Variants in MAPKAPK5 observed in about 807,000 individuals in gnomAD.
The protein encoded by MAPKAPK5 is MAPK activated protein kinase 5.
In MAPKAPK5, 30 loss-of-function variants were observed where a neutral mutation model predicts 65.1. The observed-to-expected ratio is 0.46, with a 90% CI of 0.34 to 0.63. The LOEUF is 0.63. Among genes scored for constraint, MAPKAPK5 ranks in the 20% least tolerant of loss-of-function variants. The probability of loss-of-function intolerance (pLI) is 0.01; values close to 1 mark genes in which losing one functional copy is unlikely to be tolerated. For synonymous variants in MAPKAPK5, 179 were observed against 204.6 expected (o/e 0.87, Z 1.07); for missense variants, 433 against 581.4 (o/e 0.74, Z 2.63).
rs2070771115 is a variant in MAPKAPK5, at chr12:111,895,440, GAT to G, written c.*2382_*2383del. 1 of 151,704 alleles carries G rather than the reference GAT, an allele frequency of 6.6e-6. No individual in the cohort carries two copies. The allele number at this position is 151,704 out of a possible 1,614,324, so 9.4% of individuals were successfully genotyped here. ...TTTATCTTGGAGAATTTAATTGAAA[GAT>G]ATTTTTTGAGATAAAGTTCACTAAT... On this transcript the variant is annotated 3_prime_UTR_variant, in exon 14 of 14. Coordinates refer to ENST00000550735, the MANE Select transcript of MAPKAPK5 (RefSeq NM_003668.4).
Position 111,883,582 on chromosome 12 carries a change from G to A in MAPKAPK5, c.662G>A (p.Ser221Asn). ...GACCATTTTCTTTTTTGCTTTCAGA[G>A]CTGTGACTTGTGGTCCCTAGGGGTG... Reference protein sequence around the residue: ...TSPTPYTYNKSCDLWSLGVII... With the variant: ...TSPTPYTYNKNCDLWSLGVII... Residue 221 changes from serine (S) to asparagine (N), a missense_variant and splice_region_variant, in exon 9 of 14, where the codon AGC (serine) becomes AAC (asparagine). Around this residue, in one of 3 missense-constraint regions of MAPKAPK5, gnomAD observed 99 missense variants for 185.8 expected, o/e 0.53. Coordinates refer to ENST00000550735, the MANE Select transcript of MAPKAPK5 (RefSeq NM_003668.4). The surrounding 1 kb of genome is among the most constrained non-coding windows in gnomAD (Gnocchi z 4.8). The A allele has an allele frequency of 6.2e-7, 1 of 1,610,278 alleles. No homozygotes were observed. The highest frequency in any genetic ancestry group is 8.5e-7 in the Non-Finnish European group (1 of 1,178,706).
intron 1 of MAPKAPK5, among the ~76,000 whole-genome samples, chr12:111,856,231 T>C (rs933665856): frequency 5.2e-4 from 79 of 152,158 alleles, no homozygotes; most frequent in African/African-American, 1.8e-3. Flanking sequence ...TCCATGGTGG[T>C]TGGAGAACTT....
intron 1 of MAPKAPK5, among the ~76,000 whole-genome samples, chr12:111,856,867 C>T (rs1005281089): frequency 6.6e-6 from 1 of 152,140 alleles, no homozygotes; most frequent in Non-Finnish European, 1.5e-5. Context: ...TTTATGTTAA[C>T]CTACAGTATA....
intron 1 of MAPKAPK5, chr12:111,843,536 C>T (rs943766289): frequency 5.0e-5 from 17 of 337,596 alleles, no homozygotes; most frequent in Non-Finnish European, 7.4e-5. Context: ...AACATTGACG[C>T]TTAAAGTTTG....
intron 1 of MAPKAPK5, among the ~76,000 whole-genome samples, chr12:111,845,034 A>G (rs57786827): frequency 0.085 from 13,014 of 152,236 alleles, 657 homozygotes; most frequent in Middle Eastern, 0.17. Context: ...AACAGAAGAG[A>G]GACATAGTTC....
At chr12:111,845,720 G>C (rs1373708259) in intron 1 of MAPKAPK5, among the ~76,000 whole-genome samples, 1 of 152,006 alleles carries the variant, frequency 6.6e-6, no homozygotes. Flanking sequence ...TCAGGAGTTG[G>C]AGACCACTCT....
chr12:111,877,216 G>C (rs182674138), intron 7 of MAPKAPK5, among the ~76,000 whole-genome samples: 1 of 102,644 alleles, frequency 9.7e-6, no homozygotes, highest in East Asian at 3.2e-4. Context: ...ACAGGGTTTC[G>C]CCATGTTGTT....
chr12:111,846,962 C>T (rs2068924236), intron 1 of MAPKAPK5, among the ~76,000 whole-genome samples: 1 of 152,072 alleles, frequency 6.6e-6, no homozygotes, highest in South Asian at 2.1e-4. Flanking sequence ...GTATAGGGCT[C>T]ACTACTATCC....
chr12:111,860,702 C>T (rs2069409547), intron 1 of MAPKAPK5, among the ~76,000 whole-genome samples: 1 of 152,160 alleles, frequency 6.6e-6, no homozygotes, highest in African/African-American at 2.4e-5. Flanking sequence ...CTATTTTTAC[C>T]TGAACCTCTA....
intron 1 of MAPKAPK5, among the ~76,000 whole-genome samples, chr12:111,857,599 C>T (rs2069286630): frequency 6.6e-6 from 1 of 152,164 alleles, no homozygotes; most frequent in South Asian, 2.1e-4. Flanking sequence ...CTCCAAAGGA[C>T]TTCCTTTGGT....
chr12:111,892,064 T>C (rs1356496249), intron 13 of MAPKAPK5, among the ~76,000 whole-genome samples: 2 of 152,186 alleles, frequency 1.3e-5, no homozygotes, highest in African/African-American at 4.8e-5. Context: ...GATAAGTCTG[T>C]GTTCTTTTAT....
rs1047472716 is a variant in MAPKAPK5 at position 111,870,286 on chromosome 12, C to T, written c.409C>T (p.Arg137Trp). ...QVTKQIALAL[R>W]HCHLLNIAHR... The stretch of plus-strand genomic sequence containing the variant: ...CTTTTTTCAGATAGCTTTGGCTCTG[C>T]GGCACTGTCACTTGTTAAACATTGC... Residue 137 changes from arginine (R) to tryptophan (W), a missense_variant, in exon 6 of 14, where the codon CGG becomes TGG. Physicochemically the swap from Arg to Trp is moderately radical, Grantham distance 101 (BLOSUM62 -3). This residue lies in a region of MAPKAPK5 where 165 missense variants were observed against 180.0 expected (regional missense o/e 0.92). Coordinates refer to ENST00000550735, the MANE Select transcript of MAPKAPK5 (RefSeq NM_003668.4). The T allele has an allele frequency of 1.2e-6, 2 of 1,605,438 alleles. No individual in the cohort carries two copies. The highest frequency in any genetic ancestry group is 1.7e-6 in the Non-Finnish European group (2 of 1,172,894).
At chr12:111,860,277 G>A (rs2069393930) in intron 1 of MAPKAPK5, among the ~76,000 whole-genome samples, 1 of 152,152 alleles carries the variant, frequency 6.6e-6, no homozygotes, top group African/African-American at 2.4e-5. Flanking sequence ...GTGTATGTGG[G>A]TTTGGAGAAA....
chr12:111,880,323 GT>G, intron 7 of MAPKAPK5, 123 bp from the exon 8 acceptor site: 13 of 775,082 alleles, frequency 1.7e-5, no homozygotes, highest in Non-Finnish European at 2.6e-5. Flanking sequence ...TTTATGTGGA[GT>G]TTTTTTTCGA....
chr12:111,871,414 G>T (rs552343388), intron 7 of MAPKAPK5, among the ~76,000 whole-genome samples: 1 of 152,216 alleles, frequency 6.6e-6, no homozygotes, highest in Admixed American at 6.5e-5. Flanking sequence ...GCTGAGGCGG[G>T]TGGATTACAA....
intron 13 of MAPKAPK5, among the ~76,000 whole-genome samples, chr12:111,891,840 A>ATG (rs976964060): frequency 7.2e-5 from 11 of 151,842 alleles, no homozygotes; most frequent in Non-Finnish European, 5.9e-5. Context: ...AACTTGAAAT[A>ATG]TGTCATTTTA....
At position 111,877,239 on chromosome 12, in the gene MAPKAPK5, G is replaced by C. The variant is rs578230243; in HGVS notation, c.580-3208G>C. Among the ~76,000 whole-genome samples the C allele has an allele frequency of 4.4e-5, 5 of 112,956 alleles. No homozygotes were observed. The East Asian group carries it at 1.4e-3, about 32-fold the overall frequency. The allele number at this position is 112,956 out of a possible 152,430, so 74.1% of individuals were successfully genotyped here. On this transcript the variant is annotated intron_variant, in intron 7 of 13. Coordinates refer to ENST00000550735, the MANE Select transcript of MAPKAPK5 (RefSeq NM_003668.4). ...TCGCCATGTTGTTCAGGTTGGTCTT[G>C]AACTCCTAACCTCAGGTGATCCACT...
chr12:111,898,598 G>C lies in MAPKAPK5; in HGVS notation c.*5537G>C, dbSNP rs2070901797. On this transcript the variant is annotated 3_prime_UTR_variant, in exon 14 of 14. Coordinates refer to ENST00000550735, the MANE Select transcript of MAPKAPK5 (RefSeq NM_003668.4). The stretch of plus-strand genomic sequence containing the variant: ...TATATCCGTGCATTAGGAAAACTTG[G>C]TAGAGAAGATTATATGCAGATATAA... 1 of 152,146 alleles carries C rather than the reference G, an allele frequency of 6.6e-6. No homozygotes were observed. The highest frequency in any genetic ancestry group is 6.5e-5 in the Admixed American group (1 of 15,268). 9.4% of individuals were successfully genotyped at this position (152,146 alleles called of 1,614,324 possible).
At position 111,901,943 on chromosome 12, in the gene MAPKAPK5, T is replaced by A. The variant is rs145212483; in HGVS notation, c.*8882T>A. On this transcript the variant is annotated 3_prime_UTR_variant, in exon 14 of 14. Transcript: ENST00000550735. ...TCACATTTCATTTGAACCATTAACATGCATCTTTGGACATCAATGTCCTTG... is the reference window on the plus strand; with the variant it reads ...TCACATTTCATTTGAACCATTAACAAGCATCTTTGGACATCAATGTCCTTG... The A allele has an allele frequency of 9.9e-4, 151 of 153,152 alleles. No individual in the cohort carries two copies. The highest frequency in any genetic ancestry group is 3.4e-3 in the African/African-American group (141 of 41,590). The allele number at this position is 153,152 out of a possible 1,614,324, so 9.5% of individuals were successfully genotyped here.
Sources: gnomAD v4.1 joint callset for allele counts (sites outside exome capture counted in the v4.1 genomes callset) on GRCh38, gnomAD v4.1.1 for gene constraint, gnomAD v4.1.1 regional missense constraint, Gnocchi (gnomAD v3.1) non-coding constraint, MANE v1.5 for transcripts, NCBI Gene and HGNC (gene_info 2026-07-23, HGNC 2026-07-21) for gene names.